CEP63: variants seen among roughly 807,000 people sequenced by gnomAD.
CEP63 encodes centrosomal protein 63.
Under a neutral mutation model 89.1 loss-of-function variants are expected in CEP63, and 84 were observed. The ratio of observed to expected loss-of-function variants is 0.94; its 90% CI spans 0.79 to 1.13. CEP63 has a LOEUF of 1.13. Among genes scored for constraint, CEP63 ranks in the 50% most tolerant of loss-of-function variants. The pLI is 0.00. For synonymous variants in CEP63, 267 were observed against 272.5 expected, an observed-to-expected ratio of 0.98 and a Z score of 0.20; for missense variants, 838 against 813.3, an observed-to-expected ratio of 1.03 and a Z score of -0.37.
the CEP63 span, among the ~76,000 whole-genome samples, chr3:134,694,352 T>C: frequency 6.6e-6 from 1 of 152,332 alleles, no homozygotes; most frequent in East Asian, 1.9e-4. Flanking sequence ...CTGCAGAAGA[T>C]GCCTAATTTC....
the CEP63 span, among the ~76,000 whole-genome samples, chr3:134,741,849 G>C: frequency 6.6e-6 from 1 of 152,158 alleles, no homozygotes; most frequent in East Asian, 1.9e-4. Context: ...CAGGGGTTCA[G>C]CCTCAGCCCA....
chr3:134,610,443 TC>T, the CEP63 span: 2 of 1,461,866 alleles, frequency 1.4e-6, no homozygotes, highest in Non-Finnish European at 1.9e-6. Flanking sequence ...TCCAAGTCTG[TC>T]CATGGTCTCA....
chr3:134,531,962 A>G (rs778218871), intron 4 of CEP63, 22 bp downstream of exon 4: 1 of 1,530,182 alleles, frequency 6.5e-7, no homozygotes, highest in Admixed American at 1.7e-5. Context: ...GTTTTGTTAA[A>G]TGTTGTGTGT....
At chr3:134,526,988 G>C (rs763014903) in intron 3 of CEP63, among the ~76,000 whole-genome samples, 6 of 152,140 alleles carry the variant, frequency 3.9e-5, no homozygotes, top group Non-Finnish European at 4.4e-5. Context: ...GCATTGGGGG[G>C]TCAGAGTGCT....
the CEP63 span, among the ~76,000 whole-genome samples, chr3:134,702,572 CACCTACAACCATCTG>C: frequency 6.6e-6 from 1 of 152,174 alleles, no homozygotes; most frequent in East Asian, 1.9e-4. Context: ...TCAGACCACA[CACCTACAACCATCTG>C]ACCTACAACC....
chr3:134,531,998 G>C, intron 4 of CEP63, 58 bp downstream of exon 4: 1 of 1,255,500 alleles, frequency 8.0e-7, no homozygotes, highest in South Asian at 1.3e-5. Flanking sequence ...TCACCCTTGA[G>C]AACTTTGTTA....
chr3:134,649,445 C>T, the CEP63 span, among the ~76,000 whole-genome samples: 1 of 152,138 alleles, frequency 6.6e-6, no homozygotes. Flanking sequence ...AACTAGGCCT[C>T]GCCACACACT....
the CEP63 span, among the ~76,000 whole-genome samples, chr3:134,672,591 T>C: frequency 2.0e-5 from 3 of 148,424 alleles, no homozygotes; most frequent in African/African-American, 7.9e-5. Context: ...AAAAGGCAGC[T>C]GATTTTGCAC....
the CEP63 span, among the ~76,000 whole-genome samples, chr3:134,702,601 T>C: frequency 6.6e-6 from 1 of 152,122 alleles, no homozygotes; most frequent in African/African-American, 2.4e-5. Flanking sequence ...TACAACCATC[T>C]TGTAAATTTG....
intron 3 of CEP63, among the ~76,000 whole-genome samples, chr3:134,523,647 T>TTGCA (rs1277090017): frequency 7.9e-5 from 12 of 152,032 alleles, no homozygotes; most frequent in African/African-American, 2.2e-4. Flanking sequence ...GAATAGGGAG[T>TTGCA]CCTTTCCTTA....
chr3:134,526,619 C>A (rs553911781), intron 3 of CEP63, among the ~76,000 whole-genome samples: 7 of 152,204 alleles, frequency 4.6e-5, no homozygotes, highest in African/African-American at 1.7e-4. Context: ...CCATCTTAGC[C>A]CAGTTCTGAA....
the CEP63 span, among the ~76,000 whole-genome samples, chr3:134,736,952 G>T: frequency 0.12 from 18,423 of 152,196 alleles, 1,470 homozygotes; most frequent in South Asian, 0.37. Flanking sequence ...TGTTCTTGGT[G>T]TGGGGCAGAG....
chr3:134,692,670 CT>C, the CEP63 span, among the ~76,000 whole-genome samples: 2 of 152,178 alleles, frequency 1.3e-5, no homozygotes, highest in African/African-American at 4.8e-5. Flanking sequence ...TCCAGGGGTC[CT>C]TGAACAACAA....
chr3:134,520,258 T>A (rs971201032), intron 3 of CEP63, among the ~76,000 whole-genome samples: 1 of 152,126 alleles, frequency 6.6e-6, no homozygotes, highest in Non-Finnish European at 1.5e-5. Context: ...TTTACAAAAA[T>A]TTATTGATTC....
the CEP63 span, among the ~76,000 whole-genome samples, chr3:134,700,777 C>G: frequency 6.6e-6 from 1 of 152,012 alleles, no homozygotes; most frequent in Admixed American, 6.6e-5. Context: ...GATCTTCACC[C>G]CACTCCCCTG....
At chr3:134,580,950 C>T (rs78342003) in intron 10 of CEP63, among the ~76,000 whole-genome samples, 17,017 of 142,738 alleles carry the variant, frequency 0.12, 1,264 homozygotes, top group Middle Eastern at 0.21. Flanking sequence ...AGTTGGGTCT[C>T]ATGTAATCAC....
chr3:134,500,830 T>G (rs764798909), intron 2 of CEP63, among the ~76,000 whole-genome samples: 20 of 152,196 alleles, frequency 1.3e-4, no homozygotes, highest in Non-Finnish European at 5.9e-5. Context: ...CAGAAGCTCT[T>G]TAGTTAGGTC....
the CEP63 span, among the ~76,000 whole-genome samples, chr3:134,631,074 C>T: frequency 9.2e-5 from 14 of 152,114 alleles, no homozygotes; most frequent in South Asian, 4.1e-4. Flanking sequence ...GTAAGTAGTG[C>T]GTCAGAGATC....
At chr3:134,585,108 A>G (rs1218612281) in intron 10 of CEP63, among the ~76,000 whole-genome samples, 1 of 151,678 alleles carries the variant, frequency 6.6e-6, no homozygotes, top group South Asian at 2.1e-4. Context: ...CTAGTGGTCT[A>G]TCAATTTTGT....
Sources: allele counts gnomAD v4.1 joint callset (sites outside exome capture counted in the v4.1 genomes callset), GRCh38; gene constraint gnomAD v4.1.1; transcripts MANE v1.5; gene names NCBI Gene and HGNC (gene_info 2026-07-23, HGNC 2026-07-21).